ACVR2B: variants seen among roughly 807,000 people sequenced by gnomAD.
ACVR2B encodes the protein activin A receptor type 2B.
ACVR2B carries 18 observed loss-of-function variants against 65.1 expected under a neutral mutation model. The observed-to-expected ratio is 0.28, with a 90% CI of 0.19 to 0.41. ACVR2B has a LOEUF of 0.41. Ranked by LOEUF, ACVR2B falls within the 10% of genes least tolerant of loss-of-function variation. The pLI is 1.00. For missense variants in ACVR2B, 482 were observed against 682.7 expected (o/e 0.71, Z 3.28); for synonymous variants, 298 against 277.7 (o/e 1.07, Z -0.73).
rs145005293 is a variant in ACVR2B at position 38,482,434 on chromosome 3, C to T, written c.1218C>T (p.Pro406=). 6.8e-6 allele frequency: 11 copies of T among 1,612,056 alleles called. No individual in the cohort carries two copies. Among genetic ancestry groups the T allele is most frequent in the East Asian group, 6.7e-5 (3 of 44,848 alleles). Residue 406 remains proline, a synonymous_variant, in exon 10 of 11, where the codon CCC becomes CCT. Coordinates refer to ENST00000352511, the MANE Select transcript of ACVR2B (RefSeq NM_001106.4). ...CAGGCTCTCTCTTTCTCCTAGGACC[C>T]GTGGATGAGTACATGCTGCCCTTTG... ...LVSRCKAADG[P]VDEYMLPFEE...
chr3:38,474,038 T>C (rs1709865598), intron 1 of ACVR2B: 2 of 152,326 alleles, frequency 1.3e-5, no homozygotes, highest in Non-Finnish European at 2.9e-5. Flanking sequence ...TCCGCCGCCA[T>C]GCCTGGCTCA....
chr3:38,465,483 A>G (rs1430205388), intron 1 of ACVR2B, among the ~76,000 whole-genome samples: 2 of 152,166 alleles, frequency 1.3e-5, no homozygotes, highest in African/African-American at 4.8e-5. Flanking sequence ...GAAAACTATA[A>G]ACCAAAGGAA....
chr3:38,488,308 A>G lies in ACVR2B; in HGVS notation c.*4976A>G, dbSNP rs1427161082. 6.6e-6 allele frequency: 1 copy of G among 152,250 alleles called. No individual in the cohort carries two copies. Among genetic ancestry groups the G allele is most frequent in the Admixed American group, 6.5e-5 (1 of 15,288 alleles). The allele number at this position is 152,250 out of a possible 1,614,324, so 9.4% of individuals were successfully genotyped here. A position where few individuals can be genotyped will look rare whatever the true frequency, so the allele number is the denominator to read the frequency against. On this transcript the variant is annotated 3_prime_UTR_variant, in exon 11 of 11. Transcript: ENST00000352511. ...TTATAAGCATAGTTCTTTAAGTAAG[A>G]TTCCAGATAGTTGATTTGCAACCAG... is the stretch of plus-strand genomic sequence containing the variant.
In ACVR2B at chr3:38,489,489, G is replaced by T. The variant is rs62239943; in HGVS notation, c.*6157G>T. 6.6e-6 allele frequency: 1 copy of T among 152,496 alleles called. No homozygotes were observed. The highest frequency in any genetic ancestry group is 2.4e-5 in the African/African-American group (1 of 41,386). 9.4% of individuals were successfully genotyped at this position (152,496 alleles called of 1,614,324 possible). ...CACTGGCAGACTGGAGTCAATTTGCGGGTCTTTTTTGGCCAAAACTCCACT... is the reference window on the plus strand; with the variant it reads ...CACTGGCAGACTGGAGTCAATTTGCTGGTCTTTTTTGGCCAAAACTCCACT... On this transcript the variant is annotated 3_prime_UTR_variant, in exon 11 of 11. Coordinates refer to ENST00000352511, the MANE Select transcript of ACVR2B (RefSeq NM_001106.4).
rs1709502811 is a variant in ACVR2B at position 38,454,313 on chromosome 3, G to A, written c.-10G>A. The A allele has an allele frequency of 1.6e-6, 2 of 1,287,724 alleles. No individual in the cohort carries two copies. The highest frequency in any genetic ancestry group is 2.0e-6 in the Non-Finnish European group (2 of 1,017,374). The allele number at this position is 1,287,724 out of a possible 1,614,324, so 79.8% of individuals were successfully genotyped here. Reference sequence around the variant, plus strand: ...GGGCTCCGGGTGTGCGCGGGGCGGCGCCGCGGAACATGACGGCGCCCTGGG... The same window carrying A: ...GGGCTCCGGGTGTGCGCGGGGCGGCACCGCGGAACATGACGGCGCCCTGGG... On this transcript the variant is annotated 5_prime_UTR_variant, in exon 1 of 11. Coordinates refer to ENST00000352511, the MANE Select transcript of ACVR2B (RefSeq NM_001106.4).
rs188403124 is a variant in ACVR2B, at chr3:38,463,712, A to G, written c.52+9338A>G. On this transcript the variant is annotated intron_variant, in intron 1 of 10. Transcript: ENST00000352511. ...TGTTTCTAGTACAAATGATACTCCA[A>G]TCAGCTTTCCCACATTATACATATG... is the stretch of plus-strand genomic sequence containing the variant. Among the ~76,000 whole-genome samples the G allele has an allele frequency of 3.3e-3, 499 of 152,280 alleles. 1 individual carries two copies. The highest frequency in any genetic ancestry group is 2.0e-3 in the Admixed American group (30 of 15,302).
intron 1 of ACVR2B, among the ~76,000 whole-genome samples, chr3:38,464,003 T>G (rs765716223): frequency 6.6e-6 from 1 of 152,228 alleles, no homozygotes; most frequent in African/African-American, 2.4e-5. Context: ...GAGGCCCACC[T>G]TTATCACCTC....
chr3:38,470,596 T>G (rs1014742223), intron 1 of ACVR2B, among the ~76,000 whole-genome samples: 5 of 152,198 alleles, frequency 3.3e-5, no homozygotes, highest in African/African-American at 1.2e-4. Context: ...CAGGGAGAGA[T>G]GACTGTATGG....
intron 1 of ACVR2B, chr3:38,459,666 C>T (rs1709608686): frequency 1.0e-6 from 1 of 985,296 alleles, no homozygotes; most frequent in African/African-American, 1.7e-5. Flanking sequence ...GACACCAGGG[C>T]AGGTGGGCAG....
chr3:38,465,698 A>C (rs1709716353), intron 1 of ACVR2B, among the ~76,000 whole-genome samples: 1 of 152,212 alleles, frequency 6.6e-6, no homozygotes. Context: ...GAGAAGGTCT[A>C]AGAGTCATGA....
rs756092202 is a variant in ACVR2B, at chr3:38,479,745, C to T, written c.878C>T (p.Thr293Met). 3.1e-6 allele frequency: 5 copies of T among 1,614,186 alleles called. No homozygotes were observed. Among genetic ancestry groups the T allele is most frequent in the East Asian group, 2.2e-5 (1 of 44,880 alleles). ...AACGAACTGTGTCATGTAGCAGAGA[C>T]GATGTCACGAGGCCTCTCATACCTG... ...TWNELCHVAE[T>M]MSRGLSYLHE... Residue 293 changes from threonine to methionine, a missense_variant, in exon 7 of 11, where the codon ACG (threonine) becomes ATG (methionine). Transcript: ENST00000352511.
Position 38,454,234 on chromosome 3 carries a change from C to CGCA in ACVR2B, c.-86_-84dup. The CGCA allele has an allele frequency of 1.0e-6, 1 of 981,346 alleles. No individual in the cohort carries two copies. Among genetic ancestry groups the CGCA allele is most frequent in the African/African-American group, 1.7e-5 (1 of 57,570 alleles). The allele number at this position is 981,346 out of a possible 1,614,324, so 60.8% of individuals were successfully genotyped here. The stretch of plus-strand genomic sequence containing the variant: ...CCGAAGGAAGGAGCGGGAAGGAGAG[C>CGCA]GCAGCCGCCGCCTGGCCCTGCGCGC... On this transcript the variant is annotated 5_prime_UTR_variant, in exon 1 of 11. Coordinates refer to ENST00000352511, the MANE Select transcript of ACVR2B (RefSeq NM_001106.4).
Position 38,483,175 on chromosome 3 carries a change from G to A in ACVR2B, c.1382G>A (p.Trp461Ter). ...AQLCVTIEEC[W>*]DHDAEARLSA... ...CTTTGTGTGACCATCGAGGAGTGCTGGGACCATGATGCAGAGGCTCGCTTG... is the reference window on the plus strand; with the variant it reads ...CTTTGTGTGACCATCGAGGAGTGCTAGGACCATGATGCAGAGGCTCGCTTG... Residue 461 changes from tryptophan (W) to a stop codon, truncating the protein, a stop_gained, in exon 11 of 11, where the codon TGG becomes TAG. Transcript: ENST00000352511. LOFTEE classifies it high-confidence loss of function. This position sits in a 1 kb window ranked among gnomAD's most constrained non-coding sequence, Gnocchi z 4.8. The A allele has an allele frequency of 1.9e-6, 3 of 1,614,182 alleles. No individual in the cohort carries two copies. Among genetic ancestry groups the A allele is most frequent in the Non-Finnish European group, 2.5e-6 (3 of 1,180,036 alleles).
intron 1 of ACVR2B, among the ~76,000 whole-genome samples, chr3:38,460,868 T>G (rs1194095541): frequency 6.6e-6 from 1 of 152,168 alleles, no homozygotes; most frequent in Non-Finnish European, 1.5e-5. Flanking sequence ...CCAAGGAGGC[T>G]AAAATTAGTT....
intron 7 of ACVR2B, 62 bp downstream of exon 7, chr3:38,479,888 G>C (rs1709987498): frequency 1.3e-6 from 2 of 1,585,926 alleles, no homozygotes; most frequent in African/African-American, 2.7e-5. Flanking sequence ...GGGTTGGTGG[G>C]CGAGAGCAGT....
At chr3:38,456,961 C>A (rs934542794) in intron 1 of ACVR2B, among the ~76,000 whole-genome samples, 1 of 152,196 alleles carries the variant, frequency 6.6e-6, no homozygotes, top group African/African-American at 2.4e-5. Context: ...AATCCCAGCA[C>A]TTTGGGAGGC....
At chr3:38,461,314 A>G (rs550606662) in intron 1 of ACVR2B, among the ~76,000 whole-genome samples, 1 of 152,108 alleles carries the variant, frequency 6.6e-6, no homozygotes, top group East Asian at 1.9e-4. Context: ...CTTTTTGGGA[A>G]TTTCCTTCTC....
At chr3:38,482,989 C>T in intron 10 of ACVR2B, 149 bp from the exon 11 acceptor site, 2 of 892,054 alleles carry the variant, frequency 2.2e-6, no homozygotes. Context: ...AAGTTTTCCC[C>T]AGGCCTCTGC....
Position 38,478,371 on chromosome 3 carries a change from C to T in ACVR2B, c.523-4C>T. The T allele has an allele frequency of 6.2e-7, 1 of 1,614,076 alleles. No homozygotes were observed. The highest frequency in any genetic ancestry group is 8.5e-7 in the Non-Finnish European group (1 of 1,179,980). On this transcript the variant is annotated splice_polypyrimidine_tract_variant and splice_region_variant and intron_variant, in intron 4 of 10. Coordinates refer to ENST00000352511, the MANE Select transcript of ACVR2B (RefSeq NM_001106.4). ...AGACCTTTTTAAGCCTTGCTCTCCC[C>T]CAGGACCCTGGGCCTCCACCACCAT... is the stretch of plus-strand genomic sequence containing the variant.
Sources: gnomAD v4.1 joint callset for allele counts (sites outside exome capture counted in the v4.1 genomes callset) on GRCh38, gnomAD v4.1.1 for gene constraint, Gnocchi (gnomAD v3.1) non-coding constraint, MANE v1.5 for transcripts, NCBI Gene and HGNC (gene_info 2026-07-23, HGNC 2026-07-21) for gene names.